Variants in RAB38 observed in about 807,000 individuals in gnomAD.
The protein encoded by RAB38 is RAB38, member RAS oncogene family, also known as ras-related protein Rab-38.
A neutral mutation model predicts 18.4 loss-of-function variants in RAB38; 15 were observed. The observed-to-expected ratio is 0.82, with a 90% CI of 0.55 to 1.26. The LOEUF (loss-of-function observed/expected upper bound fraction) is 1.26, where lower values mean the gene tolerates loss of function less well. Ranked by LOEUF, RAB38 falls within the 50% of genes most tolerant of loss-of-function variation. The pLI, the probability that RAB38 is intolerant of heterozygous loss-of-function variation, is 0.00. For missense variants in RAB38, 294 were observed against 267.4 expected (o/e 1.10, Z -0.69); for synonymous variants, 101 against 104.4 (o/e 0.97, Z 0.20).
the RAB38 span, among the ~76,000 whole-genome samples, chr11:88,086,399 G>C: frequency 1.3e-5 from 2 of 151,870 alleles, no homozygotes; most frequent in Non-Finnish European, 2.9e-5. Flanking sequence ...TTGGACAAGG[G>C]TATTGATATA....
the RAB38 span, among the ~76,000 whole-genome samples, chr11:88,094,289 T>C: frequency 6.6e-6 from 1 of 151,942 alleles, no homozygotes; most frequent in Non-Finnish European, 1.5e-5. Context: ...ATTACATGGC[T>C]TGCCATCACT....
At chr11:87,808,630 A>G in the RAB38 span, among the ~76,000 whole-genome samples, 1 of 152,174 alleles carries the variant, frequency 6.6e-6, no homozygotes, top group East Asian at 1.9e-4. Context: ...GATCTGAGGT[A>G]GAACACGGTG....
At chr11:87,935,825 A>G in the RAB38 span, among the ~76,000 whole-genome samples, 1 of 152,136 alleles carries the variant, frequency 6.6e-6, no homozygotes, top group Non-Finnish European at 1.5e-5. Context: ...TGATATGTAA[A>G]TAGAATGAAA....
At chr11:87,868,626 T>C in the RAB38 span, among the ~76,000 whole-genome samples, 1 of 47,442 alleles carries the variant, frequency 2.1e-5, no homozygotes, top group Non-Finnish European at 4.6e-5. Context: ...AGAGAGAGAA[T>C]GAGAATAAAC....
the RAB38 span, among the ~76,000 whole-genome samples, chr11:87,911,760 G>A: frequency 6.6e-6 from 1 of 151,912 alleles, no homozygotes; most frequent in Non-Finnish European, 1.5e-5. Context: ...AGTAGTTAGT[G>A]TAAGTGATGA....
chr11:88,071,433 TA>T, the RAB38 span, among the ~76,000 whole-genome samples: 1 of 152,130 alleles, frequency 6.6e-6, no homozygotes, highest in Admixed American at 6.5e-5. Flanking sequence ...AACTCTGGAA[TA>T]AAAGGAGGAA....
At chr11:88,032,071 T>C in the RAB38 span, among the ~76,000 whole-genome samples, 6 of 150,020 alleles carry the variant, frequency 4.0e-5, 1 homozygote, top group East Asian at 5.9e-4. Flanking sequence ...TCAGAAATAA[T>C]GCCGCATATC....
At chr11:88,174,643 AAAAC>A in intron 1 of RAB38, among the ~76,000 whole-genome samples, 2 of 88,612 alleles carry the variant, frequency 2.3e-5, no homozygotes, top group African/African-American at 7.5e-5. Flanking sequence ...AAAAAAAAAC[AAAAC>A]AAAAACCCTC....
chr11:88,027,539 G>A, the RAB38 span, among the ~76,000 whole-genome samples: 45 of 152,164 alleles, frequency 3.0e-4, no homozygotes, highest in Non-Finnish European at 2.8e-4. Flanking sequence ...CTTTTCTGAC[G>A]GCCTTAAAAA....
At chr11:88,115,805 T>C (rs1942543071) in intron 2 of RAB38, 1 of 152,236 alleles carries the variant, frequency 6.6e-6, no homozygotes, top group Admixed American at 6.5e-5. Context: ...GCTTTCACAA[T>C]GTGAACTTGC....
intron 2 of RAB38, among the ~76,000 whole-genome samples, chr11:88,140,369 C>T (rs145812382): frequency 6.0e-4 from 91 of 152,270 alleles, no homozygotes; most frequent in African/African-American, 2.0e-3. Context: ...ATACTCCGCA[C>T]GGGCAGGGCC....
chr11:88,058,785 A>C, the RAB38 span, among the ~76,000 whole-genome samples: 1 of 152,178 alleles, frequency 6.6e-6, no homozygotes, highest in Non-Finnish European at 1.5e-5. Context: ...TTTAATACCA[A>C]GAGATAATTG....
At chr11:88,104,422 G>C in the RAB38 span, among the ~76,000 whole-genome samples, 2 of 152,120 alleles carry the variant, frequency 1.3e-5, no homozygotes, top group East Asian at 3.9e-4. Flanking sequence ...TGGTCAGATA[G>C]AGGCAGATTG....
chr11:88,128,557 T>A (rs1046489052), intron 2 of RAB38, among the ~76,000 whole-genome samples: 3 of 152,200 alleles, frequency 2.0e-5, no homozygotes, highest in African/African-American at 7.2e-5. Context: ...CTCCAGGAAC[T>A]TTAGAAAATA....
the RAB38 span, among the ~76,000 whole-genome samples, chr11:87,907,927 C>T: frequency 2.6e-5 from 4 of 151,692 alleles, no homozygotes; most frequent in African/African-American, 9.7e-5. Flanking sequence ...AGCACACATA[C>T]ATTTTATATA....
At chr11:88,086,893 A>C in the RAB38 span, among the ~76,000 whole-genome samples, 27 of 152,028 alleles carry the variant, frequency 1.8e-4, no homozygotes, top group Non-Finnish European at 3.8e-4. Flanking sequence ...CAAAATAATA[A>C]ACATTCAATA....
At chr11:88,110,949 T>A (rs1201007478), downstream of RAB38, among the ~76,000 whole-genome samples, 1 of 152,074 alleles carries the variant, frequency 6.6e-6, no homozygotes, top group Non-Finnish European at 1.5e-5. Context: ...GAGACCAGGA[T>A]GGTTGATGAG....
At chr11:87,855,801 T>C in the RAB38 span, among the ~76,000 whole-genome samples, 1 of 151,192 alleles carries the variant, frequency 6.6e-6, no homozygotes, top group African/African-American at 2.4e-5. Context: ...ATATTAATCC[T>C]TTAAATAAAC....
chr11:88,144,908 T>A (rs559468008), intron 2 of RAB38, among the ~76,000 whole-genome samples: 196 of 152,264 alleles, frequency 1.3e-3, no homozygotes, highest in African/African-American at 4.6e-3. Flanking sequence ...GTGGTGTATT[T>A]CTGAGCATAG....
Sources: gnomAD v4.1 joint callset for allele counts (sites outside exome capture counted in the v4.1 genomes callset) on GRCh38, gnomAD v4.1.1 for gene constraint, MANE v1.5 for transcripts, NCBI Gene and HGNC (gene_info 2026-07-23, HGNC 2026-07-21) for gene names.